The following TUB variants were observed in gnomAD, a reference collection of about 807,000 sequenced individuals.
TUB encodes the protein TUB bipartite transcription factor, also known as tubby protein homolog.
TUB carries 33 observed loss-of-function variants against 59.7 expected under a neutral mutation model. The observed-to-expected ratio is 0.55, with a 90% CI of 0.42 to 0.74. TUB has a LOEUF of 0.74. TUB is among the 30% of genes least tolerant of loss of function. The pLI is 0.00. For missense variants in TUB, 659 were observed against 672.0 expected (o/e 0.98, Z 0.21); for synonymous variants, 293 against 256.4 (o/e 1.14, Z -1.36).
At chr11:8,079,849 C>A (rs1943512420), upstream of TUB, among the ~76,000 whole-genome samples, 2 of 152,258 alleles carry the variant, frequency 1.3e-5, no homozygotes, top group East Asian at 3.9e-4. Context: ...AGATCCTTGC[C>A]TTCTCTGTGA....
At chr11:8,073,006 C>G (rs1298845644) in intron 2 of TUB, among the ~76,000 whole-genome samples, 1 of 152,210 alleles carries the variant, frequency 6.6e-6, no homozygotes, top group East Asian at 1.9e-4. Context: ...GTCCCACTCT[C>G]TTTCATGAAG....
At chr11:8,086,552 A>G (rs1564915696) in intron 1 of TUB, among the ~76,000 whole-genome samples, 4 of 152,074 alleles carry the variant, frequency 2.6e-5, no homozygotes, top group East Asian at 1.9e-4. Context: ...AGCTAGGAAC[A>G]CCCACCTGGT....
At chr11:8,067,770 T>C (rs1943274610) in intron 2 of TUB, 1 of 152,392 alleles carries the variant, frequency 6.6e-6, no homozygotes, top group African/African-American at 2.4e-5. Context: ...TGCCTCAGCC[T>C]CCTCCCGGGC....
In TUB at chr11:8,032,168, A is replaced by G. The variant is rs1187873894; in HGVS notation, c.56+12810A>G. Reference sequence around the variant, plus strand: ...GGGAAAGGCCGGGAGCGCAGGAGTGAGATTGGGGGTCCACAGTGGCCAAGC... The same window carrying G: ...GGGAAAGGCCGGGAGCGCAGGAGTGGGATTGGGGGTCCACAGTGGCCAAGC... On this transcript the variant is annotated intron_variant, in intron 1 of 11. Coordinates refer to the TUB transcript ENST00000534099. Among the ~76,000 whole-genome samples, 4 of 152,058 alleles carry G rather than the reference A, an allele frequency of 2.6e-5. No homozygotes were observed. The East Asian group carries it at 7.7e-4, about 29-fold the overall frequency.
chr11:8,073,593 C>T (rs1247546593), intron 2 of TUB, among the ~76,000 whole-genome samples: 1 of 152,180 alleles, frequency 6.6e-6, no homozygotes, highest in Non-Finnish European at 1.5e-5. Flanking sequence ...TAAATGAAAG[C>T]TCTCTCCCGC....
intron 2 of TUB, chr11:8,068,173 G>C (rs535686323): frequency 2.0e-5 from 3 of 152,264 alleles, no homozygotes; most frequent in African/African-American, 7.2e-5. Context: ...GGCAGAGCCC[G>C]GACAAAGAGC....
chr11:8,031,742 A>C (rs763679120), intron 1 of TUB, among the ~76,000 whole-genome samples: 9 of 152,148 alleles, frequency 5.9e-5, no homozygotes, highest in Admixed American at 2.0e-4. Flanking sequence ...CGCACCTGCG[A>C]GGGGACAGGA....
chr11:8,101,431 G>C, intron 11 of TUB, 55 bp from the exon 12 acceptor site: 1 of 1,606,258 alleles, frequency 6.2e-7, no homozygotes, highest in Non-Finnish European at 8.5e-7. Context: ...TCCTTCCCTG[G>C]CTCTACCATT....
At chr11:8,091,646 G>T (rs1943779374) in intron 3 of TUB, among the ~76,000 whole-genome samples, 1 of 152,156 alleles carries the variant, frequency 6.6e-6, no homozygotes, top group African/African-American at 2.4e-5. Context: ...CTGTGTGTGT[G>T]TCAGTTCAGC....
At chr11:8,076,120 T>C (rs1589952523) in intron 2 of TUB, 1 of 152,170 alleles carries the variant, frequency 6.6e-6, no homozygotes, top group East Asian at 1.9e-4. Context: ...TTGTCCTGGA[T>C]CTAAGACAGT....
rs367964951 is a variant in TUB, at chr11:8,074,904, G to A, written c.204-14706G>A. Among the ~76,000 whole-genome samples the A allele has an allele frequency of 9.0e-4, 136 of 151,392 alleles. 1 individual carries two copies. The highest frequency in any genetic ancestry group is 3.1e-3 in the African/African-American group (130 of 41,274). On this transcript the variant is annotated intron_variant, in intron 2 of 12. Transcript: ENST00000305253. Reference sequence around the variant, plus strand: ...TGGGATTACAGGTGCCCACCACCACGCCCAGCTAATTTTTGTAATTTTAGT... The same window carrying A: ...TGGGATTACAGGTGCCCACCACCACACCCAGCTAATTTTTGTAATTTTAGT...
At chr11:8,024,737 A>G (rs966265149) in intron 1 of TUB, among the ~76,000 whole-genome samples, 5 of 152,168 alleles carry the variant, frequency 3.3e-5, no homozygotes, top group South Asian at 2.1e-4. Flanking sequence ...TTAGTTTCCA[A>G]TGTTGGCTAC....
upstream of TUB, among the ~76,000 whole-genome samples, chr11:8,034,855 G>T (rs1044755644): frequency 7.9e-5 from 12 of 152,204 alleles, no homozygotes; most frequent in African/African-American, 2.4e-4. Flanking sequence ...CTGTATGGAG[G>T]GGGTCCATGT....
In TUB at chr11:8,104,721, A is replaced by G. The variant is rs779189074; in HGVS notation, c.*3102A>G. 15 of 152,074 alleles carry G rather than the reference A, an allele frequency of 9.9e-5. No individual in the cohort carries two copies. Among genetic ancestry groups the G allele is most frequent in the Non-Finnish European group, 1.8e-4 (12 of 67,992 alleles). 9.4% of individuals were successfully genotyped at this position (152,074 alleles called of 1,614,324 possible). On this transcript the variant is annotated 3_prime_UTR_variant, in exon 12 of 12. Coordinates refer to ENST00000299506, the MANE Select transcript of TUB (RefSeq NM_177972.3). ...TTGCCTGAAAAAACTGGTATGTTGC[A>G]CGTATGCTTTTGGTTGAAATTGAAC...
chr11:8,052,244 G>T (rs540550274), intron 2 of TUB, among the ~76,000 whole-genome samples: 1 of 152,256 alleles, frequency 6.6e-6, no homozygotes, highest in East Asian at 1.9e-4. Context: ...CTGCATTTAT[G>T]ATTAGAATGG....
chr11:8,043,286 A>G (rs140557156), intron 2 of TUB, among the ~76,000 whole-genome samples: 2 of 152,170 alleles, frequency 1.3e-5, no homozygotes, highest in Non-Finnish European at 2.9e-5. Context: ...GCTTTGACCT[A>G]TATGTCTATC....
At chr11:8,021,445 G>C (rs1942426033) in intron 1 of TUB, among the ~76,000 whole-genome samples, 1 of 152,074 alleles carries the variant, frequency 6.6e-6, no homozygotes, top group Admixed American at 6.5e-5. Flanking sequence ...ACTCCAGCCT[G>C]GACGACAGAG....
In TUB at chr11:8,090,181, C is replaced by CCCCCCTGGTGGAGT; in HGVS notation, c.206_219dup (p.Tyr74ProfsTer86). 6.2e-7 allele frequency: 1 copy of CCCCCCTGGTGGAGT among 1,613,740 alleles called. No homozygotes were observed. Among genetic ancestry groups the CCCCCCTGGTGGAGT allele is most frequent in the Non-Finnish European group, 8.5e-7 (1 of 1,179,958 alleles). Reference sequence around the variant, plus strand: ...CGGGCCCGGCAGTCAGAGGAACAAGCCCCCCTGGTGGAGTCCTACCTCAGC... The same window carrying CCCCCCTGGTGGAGT: ...CGGGCCCGGCAGTCAGAGGAACAAGCCCCCCTGGTGGAGTCCCCCTGGTGGAGTCCTACCTCAGC... On this transcript the variant is annotated frameshift_variant, in exon 3 of 12. Transcript: ENST00000299506. LOFTEE classifies it high-confidence loss of function.
intron 3 of TUB, among the ~76,000 whole-genome samples, chr11:8,091,363 G>A (rs376051412): frequency 1.2e-4 from 18 of 152,276 alleles, no homozygotes; most frequent in Non-Finnish European, 1.8e-4. Context: ...AGCCTACTCC[G>A]TTTCTTCTAA....
Sources: allele counts gnomAD v4.1 joint callset (sites outside exome capture counted in the v4.1 genomes callset), GRCh38; gene constraint gnomAD v4.1.1; transcripts MANE v1.5; gene names NCBI Gene and HGNC (gene_info 2026-07-23, HGNC 2026-07-21).